Variants in NREP observed in about 807,000 individuals in gnomAD.
NREP encodes neuronal regeneration related protein, also known as neuronal regeneration-related protein.
Under a neutral mutation model 8.6 loss-of-function variants are expected in NREP, and 5 were observed. The ratio of observed to expected loss-of-function variants is 0.58; its 90% CI spans 0.30 to 1.22. NREP has a LOEUF of 1.22. Ranked by LOEUF, NREP falls within the 50% of genes most tolerant of loss-of-function variation. The pLI, the probability that NREP is intolerant of heterozygous loss-of-function variation, is 0.07. For synonymous variants in NREP, 27 were observed against 28.0 expected, an observed-to-expected ratio of 0.96 and a Z score of 0.11; for missense variants, 86 against 82.5, an observed-to-expected ratio of 1.04 and a Z score of -0.17.
intron 2 of NREP, among the ~76,000 whole-genome samples, chr5:111,745,880 A>C (rs1749969419): frequency 6.6e-6 from 1 of 152,196 alleles, no homozygotes; most frequent in Non-Finnish European, 1.5e-5. Flanking sequence ...TAATTAATGT[A>C]TTAGAAATCC....
At chr5:111,857,352 G>C (rs940467778) in intron 2 of NREP, among the ~76,000 whole-genome samples, 1 of 152,322 alleles carries the variant, frequency 6.6e-6, no homozygotes, top group South Asian at 2.1e-4. Context: ...AGACAGGAGA[G>C]CAGAATCCAA....
At chr5:111,955,297 C>G (rs1442825839) in intron 2 of NREP, among the ~76,000 whole-genome samples, 1 of 151,838 alleles carries the variant, frequency 6.6e-6, no homozygotes, top group African/African-American at 2.4e-5. Context: ...CCACCTCATC[C>G]TACAAAAAAT....
At chr5:111,800,052 T>A (rs113561194) in intron 2 of NREP, among the ~76,000 whole-genome samples, 1 of 151,220 alleles carries the variant, frequency 6.6e-6, no homozygotes, top group South Asian at 2.1e-4. Flanking sequence ...CCTGAGTAGC[T>A]GGGACTATAG....
At chr5:111,854,321 C>G (rs1434300861) in intron 2 of NREP, among the ~76,000 whole-genome samples, 1 of 152,162 alleles carries the variant, frequency 6.6e-6, no homozygotes, top group Non-Finnish European at 1.5e-5. Context: ...GTCCACCCAG[C>G]CCGGGGCCAA....
intron 2 of NREP, among the ~76,000 whole-genome samples, chr5:111,741,098 GGGGTCCTATA>G (rs1297965795): frequency 6.6e-6 from 1 of 152,140 alleles, no homozygotes; most frequent in African/African-American, 2.4e-5. Context: ...TATCCCTGAT[GGGGTCCTATA>G]GGGTTAAAGA....
chr5:111,850,003 C>A (rs1169851842), intron 2 of NREP, among the ~76,000 whole-genome samples: 1 of 152,142 alleles, frequency 6.6e-6, no homozygotes, highest in Non-Finnish European at 1.5e-5. Flanking sequence ...TAGCCCTGAA[C>A]CATCTAACAC....
At chr5:111,883,984 T>A (rs1754165386) in intron 2 of NREP, among the ~76,000 whole-genome samples, 1 of 151,798 alleles carries the variant, frequency 6.6e-6, no homozygotes. Flanking sequence ...AGAGCAGAAC[T>A]GAAGGAAATA....
At chr5:111,937,151 A>G (rs1755707138) in intron 2 of NREP, among the ~76,000 whole-genome samples, 1 of 152,130 alleles carries the variant, frequency 6.6e-6, no homozygotes, top group Non-Finnish European at 1.5e-5. Context: ...CAACATAATC[A>G]GAGAAGAGCT....
intron 2 of NREP, among the ~76,000 whole-genome samples, chr5:111,874,138 T>A (rs193299699): frequency 2.0e-5 from 3 of 152,234 alleles, no homozygotes; most frequent in African/African-American, 7.2e-5. Flanking sequence ...CATTGGGGTA[T>A]CCAATGAACA....
intron 2 of NREP, among the ~76,000 whole-genome samples, chr5:111,873,275 A>T (rs930999734): frequency 6.6e-6 from 1 of 152,218 alleles, no homozygotes; most frequent in East Asian, 1.9e-4. Flanking sequence ...GAAGAACGGT[A>T]TCAGTTTTCC....
At chr5:111,941,171 T>A (rs551110226) in intron 2 of NREP, among the ~76,000 whole-genome samples, 43 of 152,152 alleles carry the variant, frequency 2.8e-4, no homozygotes, top group African/African-American at 9.9e-4. Flanking sequence ...AGGCATTCAA[T>A]TGCAAAGGAA....
chr5:111,786,703 T>C (rs74368135), intron 2 of NREP, among the ~76,000 whole-genome samples: 3,477 of 152,314 alleles, frequency 0.023, 144 homozygotes, highest in African/African-American at 0.078. Context: ...TAATGAATGC[T>C]GTTGCATCTA....
At chr5:111,911,094 C>T (rs1754899623) in intron 2 of NREP, among the ~76,000 whole-genome samples, 1 of 152,052 alleles carries the variant, frequency 6.6e-6, no homozygotes, top group Non-Finnish European at 1.5e-5. Context: ...CTCAATAACA[C>T]TCCTGCACCC....
At chr5:111,896,831 C>T (rs1399173793) in intron 2 of NREP, among the ~76,000 whole-genome samples, 2 of 152,128 alleles carry the variant, frequency 1.3e-5, no homozygotes, top group Non-Finnish European at 2.9e-5. Flanking sequence ...CTATTAGACA[C>T]TGAGGTGGGG....
chr5:111,804,515 A>T (rs1752090227), intron 2 of NREP, among the ~76,000 whole-genome samples: 1 of 152,202 alleles, frequency 6.6e-6, no homozygotes, highest in Admixed American at 6.5e-5. Context: ...TGTATGTATA[A>T]AGGAAAAGAT....
chr5:111,779,903 T>C (rs1282994801), intron 2 of NREP, among the ~76,000 whole-genome samples: 1 of 152,202 alleles, frequency 6.6e-6, no homozygotes, highest in Non-Finnish European at 1.5e-5. Flanking sequence ...TTTTTATTAT[T>C]TTTATTTTTG....
intron 2 of NREP, among the ~76,000 whole-genome samples, chr5:111,904,506 T>G (rs1428876144): frequency 6.6e-6 from 1 of 152,146 alleles, no homozygotes; most frequent in Non-Finnish European, 1.5e-5. Context: ...TGGAATTATA[T>G]AGTATGTAGG....
chr5:111,888,321 C>G (rs1754310707), intron 2 of NREP, among the ~76,000 whole-genome samples: 1 of 150,048 alleles, frequency 6.7e-6, no homozygotes, highest in Non-Finnish European at 1.5e-5. Flanking sequence ...AATTGACTCA[C>G]AGTTCCCCAT....
chr5:111,741,639 G>A (rs1480857453), intron 2 of NREP, among the ~76,000 whole-genome samples: 1 of 152,160 alleles, frequency 6.6e-6, no homozygotes, highest in South Asian at 2.1e-4. Flanking sequence ...GAAGCACACA[G>A]TGGGGAAAAC....
Sources: allele counts gnomAD v4.1 joint callset (sites outside exome capture counted in the v4.1 genomes callset), GRCh38; gene constraint gnomAD v4.1.1; transcripts MANE v1.5; gene names NCBI Gene and HGNC (gene_info 2026-07-23, HGNC 2026-07-21).